Variants in ATR observed in about 807,000 individuals in gnomAD.
The protein encoded by ATR is ATR checkpoint kinase.
In ATR, 142 loss-of-function variants were observed where a neutral mutation model predicts 305.3. The observed-to-expected ratio is 0.47, with a 90% CI of 0.41 to 0.53. ATR has a LOEUF of 0.53. ATR is among the 20% of genes least tolerant of loss of function. The pLI is 0.00. For missense variants in ATR, 2,135 were observed against 3,133.1 expected, an observed-to-expected ratio of 0.68 and a Z score of 7.60; for synonymous variants, 1,050 against 1,068.1, an observed-to-expected ratio of 0.98 and a Z score of 0.33.
At chr3:142,491,708 C>A (rs2031289046) in intron 35 of ATR, among the ~76,000 whole-genome samples, 1 of 152,194 alleles carries the variant, frequency 6.6e-6, no homozygotes, top group Non-Finnish European at 1.5e-5. Flanking sequence ...AACCAAGGAA[C>A]AGGAGCTGGA....
At chr3:142,558,553 A>ATAGATAG (rs1559993988) in intron 8 of ATR, 71 bp downstream of exon 8, 53 of 1,077,434 alleles carry the variant, frequency 4.9e-5, no homozygotes, top group Admixed American at 3.7e-4. Context: ...TAAATAAATA[A>ATAGATAG]ATAAATAGAT....
rs2108486836 is a variant in ATR at position 142,562,270 on chromosome 3, C to T, written c.1132G>A (p.Ala378Thr). The T allele has an allele frequency of 6.2e-7, 1 of 1,614,080 alleles. No individual in the cohort carries two copies. Residue 378 changes from alanine (A) to threonine (T), a missense_variant, in exon 4 of 47, where the codon GCT becomes ACT. Physicochemically the swap from Ala to Thr is moderately conservative, Grantham distance 58. Transcript: ENST00000350721. ...TCAATTCCAAGCACATCCAAAAGAG[C>T]TTTACAAATATTTCTCACATAGACC... ...RKVYVRNICKALLDVLGIEVD... is the reference protein window; with the variant it reads ...RKVYVRNICKTLLDVLGIEVD...
At chr3:142,541,395 T>G (rs921954541) in intron 17 of ATR, among the ~76,000 whole-genome samples, 1 of 152,204 alleles carries the variant, frequency 6.6e-6, no homozygotes, top group Non-Finnish European at 1.5e-5. Flanking sequence ...TAAAACAAAC[T>G]GAATTAAAAT....
At chr3:142,513,940 A>G (rs1443728303) in intron 25 of ATR, among the ~76,000 whole-genome samples, 2 of 152,120 alleles carry the variant, frequency 1.3e-5, no homozygotes, top group African/African-American at 2.4e-5. Context: ...AGTATTCCAC[A>G]TTTCACACAT....
At chr3:142,516,769 T>C (rs979727709) in intron 24 of ATR, among the ~76,000 whole-genome samples, 1 of 151,988 alleles carries the variant, frequency 6.6e-6, no homozygotes, top group African/African-American at 2.4e-5. Flanking sequence ...CTCCTTGGGG[T>C]CCTTACTACA....
chr3:142,502,118 T>A (rs1577582598), intron 30 of ATR, among the ~76,000 whole-genome samples: 1 of 152,152 alleles, frequency 6.6e-6, no homozygotes, highest in South Asian at 2.1e-4. Context: ...ACTTATACAC[T>A]GTTGGTGGGA....
rs375975311 is a variant in ATR, at chr3:142,493,096, CAG to C, written c.6078+34_6078+35del. 2.6e-5 allele frequency: 41 copies of C among 1,599,986 alleles called. No individual in the cohort carries two copies. In the Middle Eastern group the frequency reaches 5.0e-4, roughly 19 times the overall value. Reference sequence around the variant, plus strand: ...GACTTAAGTCATTTTACGTAGTCAACAGAGTTAACTGAAACTGCATTATACAT... The same window carrying C: ...GACTTAAGTCATTTTACGTAGTCAACAGTTAACTGAAACTGCATTATACAT... On this transcript the variant is annotated intron_variant, in intron 35 of 46. Coordinates refer to ENST00000350721, the MANE Select transcript of ATR (RefSeq NM_001184.4).
chr3:142,561,244 C>G lies in ATR; in HGVS notation c.1348G>C (p.Glu450Gln). 6.2e-7 allele frequency: 1 copy of G among 1,613,390 alleles called. No homozygotes were observed. Among genetic ancestry groups the G allele is most frequent in the Non-Finnish European group, 8.5e-7 (1 of 1,179,378 alleles). The part of the protein sequence containing the change: ...PSKRAPKQTE[E>Q]IKHVDMNQKS... Reference sequence around the variant, plus strand: ...CAAACTGAATGAAGGTCATCATACTCCTCAGTCTGTTTTGGTGCTCTTTTA... The same window carrying G: ...CAAACTGAATGAAGGTCATCATACTGCTCAGTCTGTTTTGGTGCTCTTTTA... Residue 450 changes from glutamate to glutamine, a missense_variant and splice_region_variant, in exon 5 of 47, where the codon GAA (glutamate) becomes CAA (glutamine). Physicochemically the swap from Glu to Gln is conservative, Grantham distance 29. Coordinates refer to ENST00000350721, the MANE Select transcript of ATR (RefSeq NM_001184.4).
intron 12 of ATR, 52 bp from the exon 13 acceptor site, chr3:142,553,450 A>ACG: frequency 2.6e-6 from 4 of 1,516,476 alleles, no homozygotes; most frequent in Non-Finnish European, 3.6e-6. Flanking sequence ...ACACACACAC[A>ACG]CACACACATA....
chr3:142,567,991 C>T lies in ATR; in HGVS notation c.151+72G>A, dbSNP rs79601680. On this transcript the variant is annotated intron_variant, in intron 2 of 46. Transcript: ENST00000350721. ...TATCTAAAACTACATGGAGAAAATG[C>T]TACTATAATTTATACATGGAAAAGA... 8.5e-3 allele frequency: 10,289 copies of T among 1,215,054 alleles called. 678 individuals are homozygous for T. In the African/African-American group the frequency reaches 0.14, roughly 17 times the overall value. The allele number at this position is 1,215,054 out of a possible 1,614,324, so 75.3% of individuals were successfully genotyped here.
intron 32 of ATR, among the ~76,000 whole-genome samples, chr3:142,497,797 T>C (rs769272552): frequency 3.4e-4 from 52 of 152,254 alleles, no homozygotes; most frequent in Non-Finnish European, 5.4e-4. Flanking sequence ...TTGCTGGTGC[T>C]ACTATAAGAG....
chr3:142,573,320 G>A lies in ATR; in HGVS notation c.60-5166C>T, dbSNP rs915248087. On this transcript the variant is annotated intron_variant, in intron 1 of 46. Transcript: ENST00000350721. ...AAATTAGCCAGGCGTGGTGGTGGGC[G>A]CCTATAATCCTAGTTACTTGGGAAG... Among the ~76,000 whole-genome samples the A allele has an allele frequency of 7.2e-5, 11 of 151,812 alleles. No homozygotes were observed. The East Asian group carries it at 7.7e-4, about 11-fold the overall frequency.
rs549308184 is a variant in ATR, at chr3:142,468,096, A to G, written c.6553-28T>C. 40 of 1,608,794 alleles carry G rather than the reference A, an allele frequency of 2.5e-5. 1 individual carries two copies. In the African/African-American group the frequency reaches 4.0e-4, roughly 16 times the overall value. Reference sequence around the variant, plus strand: ...GTCATAAAAAAGAGTTAAATGTCATAAAAAAGAGTTTATACAGGATTTTTA... The same window carrying G: ...GTCATAAAAAAGAGTTAAATGTCATGAAAAAGAGTTTATACAGGATTTTTA... On this transcript the variant is annotated intron_variant, in intron 38 of 46. Coordinates refer to ENST00000350721, the MANE Select transcript of ATR (RefSeq NM_001184.4).
intron 23 of ATR, among the ~76,000 whole-genome samples, chr3:142,521,056 A>G (rs1456330331): frequency 6.6e-6 from 1 of 152,244 alleles, no homozygotes; most frequent in Non-Finnish European, 1.5e-5. Context: ...GCTGTTAGGA[A>G]TTAGGCTAAA....
At chr3:142,539,781 T>A (rs1486453712) in intron 18 of ATR, among the ~76,000 whole-genome samples, 3 of 152,178 alleles carry the variant, frequency 2.0e-5, no homozygotes, top group African/African-American at 7.2e-5. Context: ...TGAGGAATTT[T>A]GTTTTAAGAA....
Position 142,453,203 on chromosome 3 carries a change from A to G in ATR, c.7686T>C (p.Leu2562=). The G allele has an allele frequency of 6.2e-7, 1 of 1,613,608 alleles. No homozygotes were observed. Among genetic ancestry groups the G allele is most frequent in the Non-Finnish European group, 8.5e-7 (1 of 1,179,518 alleles). The change falls in exon 46 of 47, where the codon CTT becomes CTC. Residue 2562 remains leucine (L), a synonymous_variant. Transcript: ENST00000350721. ...SVLKTFLHDP[L]VEWSKPVKGH... is the part of the protein sequence containing the mutation. ...CTTTCACTGGTTTACTCCATTCCACAAGAGGATCATGTAGAAAAGTCTTTA... is the reference window on the plus strand; with the variant it reads ...CTTTCACTGGTTTACTCCATTCCACGAGAGGATCATGTAGAAAAGTCTTTA...
At chr3:142,459,191 C>T (rs1228126384) in intron 43 of ATR, 36 bp downstream of exon 43, 2 of 1,613,264 alleles carry the variant, frequency 1.2e-6, no homozygotes, top group Admixed American at 1.7e-5. Context: ...AATAAACATT[C>T]AACCATAACA....
chr3:142,504,694 C>A (rs908133672), intron 29 of ATR, among the ~76,000 whole-genome samples: 13 of 152,086 alleles, frequency 8.5e-5, no homozygotes, highest in Non-Finnish European at 1.6e-4. Flanking sequence ...GAACTCCTGA[C>A]CTCGGGGAAT....
chr3:142,465,484 C>A (rs895194246), intron 40 of ATR: 14 of 261,966 alleles, frequency 5.3e-5, no homozygotes, highest in Non-Finnish European at 1.0e-4. Flanking sequence ...TACTTCATCG[C>A]CAATACAAGT....
Sources: gnomAD v4.1 joint callset for allele counts (sites outside exome capture counted in the v4.1 genomes callset) on GRCh38, gnomAD v4.1.1 for gene constraint, MANE v1.5 for transcripts, NCBI Gene and HGNC (gene_info 2026-07-23, HGNC 2026-07-21) for gene names.